Variants in SUFU observed in about 807,000 individuals in gnomAD.
SUFU encodes the protein SUFU negative regulator of hedgehog signaling, also known as suppressor of fused homolog.
A neutral mutation model predicts 58.9 loss-of-function variants in SUFU; 7 were observed. The ratio of observed to expected loss-of-function variants is 0.12; its 90% confidence interval spans 0.07 to 0.22. The LOEUF (loss-of-function observed/expected upper bound fraction) is 0.22, where lower values mean the gene tolerates loss of function less well. Ranked by LOEUF, SUFU falls within the 10% of genes least tolerant of loss-of-function variation. The pLI, the probability that SUFU is intolerant of heterozygous loss-of-function variation, is 1.00. For missense variants in SUFU, 451 were observed against 641.3 expected (o/e 0.70, Z 3.20); for synonymous variants, 232 against 254.8 (o/e 0.91, Z 0.85).
At chr10:102,591,789 G>A (rs1393460417) in intron 3 of SUFU, among the ~76,000 whole-genome samples, 1 of 152,222 alleles carries the variant, frequency 6.6e-6, no homozygotes, top group Non-Finnish European at 1.5e-5. Flanking sequence ...GCTGGTGAGA[G>A]ACTTAGTACC....
At chr10:102,547,537 T>C (rs1162709764) in intron 2 of SUFU, among the ~76,000 whole-genome samples, 1 of 152,230 alleles carries the variant, frequency 6.6e-6, no homozygotes, top group South Asian at 2.1e-4. Flanking sequence ...TTAAACATAG[T>C]TGGGCCAGGT....
chr10:102,594,006 T>C lies in SUFU; in HGVS notation c.697T>C (p.Trp233Arg), dbSNP rs1590063333. 6 of 1,614,144 alleles carry C rather than the reference T, an allele frequency of 3.7e-6. No individual in the cohort carries two copies. Among genetic ancestry groups the C allele is most frequent in the Non-Finnish European group, 4.2e-6 (5 of 1,179,986 alleles). Residue 233 changes from tryptophan to arginine, a missense_variant, in exon 6 of 12, where the codon TGG becomes CGG. Physicochemically the swap from Trp to Arg is moderately radical, Grantham distance 101. Coordinates refer to ENST00000369902, the MANE Select transcript of SUFU (RefSeq NM_016169.4). ...CCTTGTCCACAGTGCTGGCGGCCCC[T>C]GGCTGATAACTGACATGCGGAGGGG... Reference protein sequence around the residue: ...LRTVPIAGGPWLITDMRRGET... With the variant: ...LRTVPIAGGPRLITDMRRGET...
intron 1 of SUFU, among the ~76,000 whole-genome samples, chr10:102,506,039 GAAAAAAA>G (rs1170831161): frequency 1.9e-3 from 157 of 84,212 alleles, no homozygotes; most frequent in East Asian, 2.9e-3. Context: ...TCTGTTATTT[GAAAAAAA>G]AAAAAAAAAA....
chr10:102,631,061 C>A lies in SUFU; in HGVS notation c.*906C>A, dbSNP rs1012278061. 1 of 233,362 alleles carries A rather than the reference C, an allele frequency of 4.3e-6. No individual in the cohort carries two copies. The highest frequency in any genetic ancestry group is 8.5e-6 in the Non-Finnish European group (1 of 118,210). 14.5% of individuals were successfully genotyped at this position (233,362 alleles called of 1,614,324 possible). A position where few individuals can be genotyped will look rare whatever the true frequency, so the allele number is the denominator to read the frequency against. On this transcript the variant is annotated 3_prime_UTR_variant, in exon 12 of 12. Coordinates refer to ENST00000369902, the MANE Select transcript of SUFU (RefSeq NM_016169.4). ...GGCCTTTTCCACCCAACCAGGCCTA[C>A]CTGGGAGAGGGTGAGGTTCAGCACA...
chr10:102,549,053 C>T (rs1334915749), intron 2 of SUFU, among the ~76,000 whole-genome samples: 2 of 152,082 alleles, frequency 1.3e-5, no homozygotes, highest in Admixed American at 1.3e-4. Flanking sequence ...TGGGCCCACC[C>T]AGTATTTGGA....
chr10:102,619,141 C>G lies in SUFU; in HGVS notation c.1296+1713C>G, dbSNP rs2063718340. 5.6e-6 allele frequency: 9 copies of G among 1,612,184 alleles called. No homozygotes were observed. The highest frequency in any genetic ancestry group is 6.8e-6 in the Non-Finnish European group (8 of 1,179,816). ...GCCCTGAGGAGAGGGTAGTCAGCATCTCCAATTTTCAGCAGCTCAAGAACC... is the reference window on the plus strand; with the variant it reads ...GCCCTGAGGAGAGGGTAGTCAGCATGTCCAATTTTCAGCAGCTCAAGAACC... On this transcript the variant is annotated intron_variant, in intron 10 of 11. Coordinates refer to ENST00000369902, the MANE Select transcript of SUFU (RefSeq NM_016169.4). The surrounding 1 kb of genome is among the most constrained non-coding windows in gnomAD (Gnocchi z 4.2).
At chr10:102,544,175 A>G (rs1277013323) in intron 2 of SUFU, among the ~76,000 whole-genome samples, 1 of 152,186 alleles carries the variant, frequency 6.6e-6, no homozygotes, top group African/African-American at 2.4e-5. Flanking sequence ...TTTATGGACT[A>G]TTACACAAAC....
chr10:102,505,533 A>C (rs2062314315), intron 1 of SUFU, among the ~76,000 whole-genome samples: 1 of 152,212 alleles, frequency 6.6e-6, no homozygotes, highest in Non-Finnish European at 1.5e-5. Context: ...CTCTCCTTTT[A>C]GGACTGAGTC....
At chr10:102,519,373 GA>G (rs1010235143) in intron 2 of SUFU, among the ~76,000 whole-genome samples, 26 of 150,920 alleles carry the variant, frequency 1.7e-4, no homozygotes, top group African/African-American at 6.3e-4. Flanking sequence ...AAAAAACCAC[GA>G]AAATTAGCCG....
chr10:102,594,268 T>C (rs1208564378), intron 6 of SUFU, among the ~76,000 whole-genome samples: 1 of 152,228 alleles, frequency 6.6e-6, no homozygotes, highest in African/African-American at 2.4e-5. Flanking sequence ...CTCAGACATA[T>C]GTATTTTGGC....
Position 102,522,562 on chromosome 10 carries a change from C to T in SUFU, c.317+13259C>T, listed in dbSNP as rs1451868772. On this transcript the variant is annotated intron_variant, in intron 2 of 11. Coordinates refer to ENST00000369902, the MANE Select transcript of SUFU (RefSeq NM_016169.4). The stretch of plus-strand genomic sequence containing the variant: ...GCATAAGCACAAATGCCTAGAGCTC[C>T]TTTTCAGGTAATTGCCTGAAACAAA... Among the ~76,000 whole-genome samples the T allele has an allele frequency of 2.0e-5, 3 of 152,178 alleles. No homozygotes were observed. In the East Asian group the frequency reaches 5.8e-4, roughly 29 times the overall value.
At position 102,577,080 on chromosome 10, in the gene SUFU, C is replaced by CTTTTTTTTTTTT. The variant is rs10656431; in HGVS notation, c.455-15498_455-15497insTTTTTTTTTTTT. 6.2e-5 allele frequency among the ~76,000 whole-genome samples: 6 copies of CTTTTTTTTTTTT among 97,086 alleles called. 2 individuals are homozygous for CTTTTTTTTTTTT. The highest frequency in any genetic ancestry group is 1.1e-4 in the African/African-American group (3 of 28,410). 63.7% of individuals were successfully genotyped at this position (97,086 alleles called of 152,430 possible). On this transcript the variant is annotated intron_variant, in intron 3 of 11. Transcript: ENST00000369902. ...AGTAGAAGCATGTCCTGGATTTTTT[C>CTTTTTTTTTTTT]TTTTCTTTTTTTTTTTTTTTTGAGA... is the stretch of plus-strand genomic sequence containing the variant.
In SUFU at chr10:102,549,974, A is replaced by G. The variant is rs1425171528; in HGVS notation, c.322A>G (p.Thr108Ala). 2 of 1,614,104 alleles carry G rather than the reference A, an allele frequency of 1.2e-6. No homozygotes were observed. The highest frequency in any genetic ancestry group is 2.7e-5 in the African/African-American group (2 of 74,930). Residue 108 changes from threonine to alanine, a missense_variant, in exon 3 of 12, where the codon ACA becomes GCA. By Grantham distance (58) the Thr-to-Ala change is moderately conservative. Coordinates refer to ENST00000369902, the MANE Select transcript of SUFU (RefSeq NM_016169.4). ...CTTGCTTTTTATGTCTTTCAGGTTT[A>G]CAGGAACAGATGGACCTAGTGGTTT... ...LYGDNRVHEFTGTDGPSGFGF... is the reference protein window; with the variant it reads ...LYGDNRVHEFAGTDGPSGFGF...
Position 102,628,995 on chromosome 10 carries a change from A to T in SUFU, c.1366-1071A>T, listed in dbSNP as rs750990698. The stretch of plus-strand genomic sequence containing the variant: ...ACATGGAGAAAACCCATCTCTACTA[A>T]TAATACAATAATTAGCCGGGCTTGG... On this transcript the variant is annotated intron_variant, in intron 11 of 11. Coordinates refer to ENST00000369902, the MANE Select transcript of SUFU (RefSeq NM_016169.4). The surrounding 1 kb of genome is among the most constrained non-coding windows in gnomAD (Gnocchi z 4.5). Among the ~76,000 whole-genome samples, 1 of 152,128 alleles carries T rather than the reference A, an allele frequency of 6.6e-6. No homozygotes were observed. The highest frequency in any genetic ancestry group is 1.5e-5 in the Non-Finnish European group (1 of 68,022).
rs550606916 is a variant in SUFU, at chr10:102,552,848, TAAC to T, written c.454+2746_454+2748del. Among the ~76,000 whole-genome samples, 4 of 152,386 alleles carry T rather than the reference TAAC, an allele frequency of 2.6e-5. 1 individual carries two copies. The South Asian group carries it at 6.2e-4, about 24-fold the overall frequency. On this transcript the variant is annotated intron_variant, in intron 3 of 11. Transcript: ENST00000369902. ...AGCTAAAGCAAATGAGGCGAAATGTTAACAACTTGTGAAGCTGGGTGAATGGTA... is the reference window on the plus strand; with the variant it reads ...AGCTAAAGCAAATGAGGCGAAATGTTAACTTGTGAAGCTGGGTGAATGGTA...
At chr10:102,562,969 C>T (rs915783126) in intron 3 of SUFU, among the ~76,000 whole-genome samples, 1 of 152,110 alleles carries the variant, frequency 6.6e-6, no homozygotes, top group Non-Finnish European at 1.5e-5. Flanking sequence ...CGGTGGGTAG[C>T]GTGGTGAGGA....
chr10:102,557,240 A>G (rs2062991145), intron 3 of SUFU, among the ~76,000 whole-genome samples: 1 of 151,838 alleles, frequency 6.6e-6, no homozygotes, highest in Admixed American at 6.6e-5. Flanking sequence ...TAAAAAAAAA[A>G]AAAAAGAAAA....
chr10:102,526,153 G>C (rs568572968), intron 2 of SUFU, among the ~76,000 whole-genome samples: 1 of 152,234 alleles, frequency 6.6e-6, no homozygotes, highest in South Asian at 2.1e-4. Context: ...ACCTGGCCCA[G>C]TAGGTCAAAA....
chr10:102,614,365 T>G (rs140854610), intron 8 of SUFU, among the ~76,000 whole-genome samples: 3,912 of 139,008 alleles, frequency 0.028, 74 homozygotes, highest in Non-Finnish European at 0.043. Flanking sequence ...AAACCAGCCT[T>G]GCCAACATGG....
Sources: allele counts gnomAD v4.1 joint callset (sites outside exome capture counted in the v4.1 genomes callset), GRCh38; gene constraint gnomAD v4.1.1; non-coding constraint Gnocchi (gnomAD v3.1); transcripts MANE v1.5; gene names NCBI Gene and HGNC (gene_info 2026-07-23, HGNC 2026-07-21).